TTC3: variants seen among roughly 807,000 people sequenced by gnomAD.
The protein encoded by TTC3 is tetratricopeptide repeat domain 3.
In TTC3, 180 loss-of-function variants were observed where a neutral mutation model predicts 249.6. The observed-to-expected ratio is 0.72, with a 90% confidence interval of 0.64 to 0.82. TTC3 has a LOEUF of 0.82. Among genes scored for constraint, TTC3 ranks in the 40% least tolerant of loss-of-function variants. The pLI, the probability that TTC3 is intolerant of heterozygous loss-of-function variation, is 0.00. For synonymous variants in TTC3, 717 were observed against 805.0 expected (o/e 0.89, Z 1.85); for missense variants, 2,061 against 2,398.4 (o/e 0.86, Z 2.94).
chr21:37,200,214 G>T lies in TTC3; in HGVS notation c.5851-18G>T. The T allele has an allele frequency of 6.2e-7, 1 of 1,612,452 alleles. No homozygotes were observed. Among genetic ancestry groups the T allele is most frequent in the African/African-American group, 1.3e-5 (1 of 74,900 alleles). ...ACTGTAGTTATTCTTTACTATTCAG[G>T]TGTGTTTGTTTCCACAGGCACTGGG... On this transcript the variant is annotated intron_variant, in intron 44 of 45. Coordinates refer to ENST00000355666, the Ensembl canonical transcript of TTC3.
At chr21:37,186,673 T>G (rs912275424) in intron 37 of TTC3, among the ~76,000 whole-genome samples, 3 of 152,226 alleles carry the variant, frequency 2.0e-5, no homozygotes, top group Non-Finnish European at 4.4e-5. Context: ...GCGATCCGCC[T>G]GCCTTGGCCT....
rs560846646 is a variant in TTC3 at position 37,142,460 on chromosome 21, GACAA to G, written c.1772+1791_1772+1794del. Among the ~76,000 whole-genome samples the G allele has an allele frequency of 3.2e-4, 49 of 152,262 alleles. No homozygotes were observed. In the South Asian group the frequency reaches 3.5e-3, roughly 11 times the overall value. On this transcript the variant is annotated intron_variant, in intron 20 of 45. Coordinates refer to ENST00000355666, the Ensembl canonical transcript of TTC3. Reference sequence around the variant, plus strand: ...CAAGCATTCTTATACACCAGTAACAGACAAACAGAGAGCCAAATCATGAGTGAAC... The same window carrying G: ...CAAGCATTCTTATACACCAGTAACAGACAGAGAGCCAAATCATGAGTGAAC...
At chr21:37,126,165 A>G (rs2077031785) in intron 15 of TTC3, 22 bp downstream of exon 15, 1 of 1,605,586 alleles carries the variant, frequency 6.2e-7, no homozygotes, top group Admixed American at 1.7e-5. Flanking sequence ...TTTTATATCA[A>G]TTGTTGCCAA....
intron 39 of TTC3, 87 bp from the exon 40 acceptor site, chr21:37,191,247 C>G: frequency 5.6e-6 from 5 of 887,794 alleles, no homozygotes; most frequent in Non-Finnish European, 8.4e-6. Context: ...TTAAATGTCT[C>G]TTTTGCTCAT....
chr21:37,140,917 T>C (rs2078384171), intron 20 of TTC3, among the ~76,000 whole-genome samples: 1 of 152,220 alleles, frequency 6.6e-6, no homozygotes, highest in East Asian at 1.9e-4. Context: ...TAATTTGACA[T>C]TAAAGATTTA....
exon 33 of TTC3, chr21:37,165,563 T>G: frequency 1.9e-6 from 3 of 1,588,652 alleles, no homozygotes; most frequent in Non-Finnish European, 2.6e-6. Context: ...CTTCTCTCAG[T>G]TTTTGGAGGA....
chr21:37,088,002 A>G, intron 3 of TTC3, 127 bp downstream of exon 3: 1 of 961,614 alleles, frequency 1.0e-6, no homozygotes, highest in Non-Finnish European at 1.5e-6. Context: ...GTTTTTCACT[A>G]GAAATCAGAA....
exon 44 of TTC3, chr21:37,197,955 C>T (rs2085097328): frequency 1.9e-6 from 3 of 1,613,962 alleles, no homozygotes; most frequent in Non-Finnish European, 2.5e-6. Flanking sequence ...TCCCAGGGCT[C>T]ACCCTCGGTG....
intron 41 of TTC3, among the ~76,000 whole-genome samples, chr21:37,193,305 A>G (rs540432793): frequency 6.6e-6 from 1 of 152,000 alleles, no homozygotes; most frequent in East Asian, 1.9e-4. Context: ...CTGGCCTTGA[A>G]TGTCTCTTTC....
At chr21:37,162,734 C>T (rs926494616) in intron 31 of TTC3, among the ~76,000 whole-genome samples, 8 of 152,010 alleles carry the variant, frequency 5.3e-5, no homozygotes, top group Non-Finnish European at 1.0e-4. Context: ...CTGTCTTAGT[C>T]AGTTTGGGCT....
chr21:37,117,940 C>T (rs1354009057), intron 11 of TTC3, among the ~76,000 whole-genome samples: 3 of 147,502 alleles, frequency 2.0e-5, no homozygotes, highest in Non-Finnish European at 4.5e-5. Context: ...AAAATATTCA[C>T]TTTTTTTTTT....
chr21:37,188,809 A>T (rs913828084), intron 39 of TTC3, among the ~76,000 whole-genome samples: 3 of 152,250 alleles, frequency 2.0e-5, no homozygotes. Flanking sequence ...TTTTGGAATA[A>T]ATTCATGAAG....
intron 22 of TTC3, 88 bp downstream of exon 22, chr21:37,147,691 G>T: frequency 6.9e-7 from 1 of 1,456,564 alleles, no homozygotes; most frequent in Non-Finnish European, 9.1e-7. Context: ...AGGCACCCAA[G>T]TTCTCTGGCT....
At chr21:37,196,237 CTTTTTTT>C (rs35693053) in intron 42 of TTC3, among the ~76,000 whole-genome samples, 4 of 120,348 alleles carry the variant, frequency 3.3e-5, no homozygotes, top group Non-Finnish European at 6.8e-5. Context: ...TTTTTTCTTT[CTTTTTTT>C]TTTTTTTTTT....
At chr21:37,194,086 G>A (rs546986899) in intron 41 of TTC3, among the ~76,000 whole-genome samples, 8 of 152,310 alleles carry the variant, frequency 5.3e-5, no homozygotes, top group African/African-American at 1.7e-4. Context: ...CAGGGGCAAA[G>A]CCAATGGAGC....
At chr21:37,171,462 C>T (rs897215558) in intron 34 of TTC3, among the ~76,000 whole-genome samples, 1 of 152,134 alleles carries the variant, frequency 6.6e-6, no homozygotes, top group Non-Finnish European at 1.5e-5. Context: ...ACAGAAGTAT[C>T]GTGAAGTTTA....
At chr21:37,093,741 G>T (rs1003628204) in intron 7 of TTC3, among the ~76,000 whole-genome samples, 2 of 152,124 alleles carry the variant, frequency 1.3e-5, no homozygotes, top group East Asian at 3.9e-4. Context: ...ATAAATAAAG[G>T]TTTTTTATTG....
At chr21:37,186,762 C>G (rs1356904352) in intron 37 of TTC3, among the ~76,000 whole-genome samples, 1 of 152,208 alleles carries the variant, frequency 6.6e-6, no homozygotes, top group Non-Finnish European at 1.5e-5. Context: ...TTGTACTCCA[C>G]CTGCCCTCAT....
At chr21:37,157,429 A>T (rs764110281) in intron 28 of TTC3, among the ~76,000 whole-genome samples, 1 of 152,194 alleles carries the variant, frequency 6.6e-6, no homozygotes, top group African/African-American at 2.4e-5. Context: ...GGAATTCAGA[A>T]ATGCTTACAC....
Sources: allele counts gnomAD v4.1 joint callset (sites outside exome capture counted in the v4.1 genomes callset), GRCh38; gene constraint gnomAD v4.1.1; transcripts MANE v1.5; gene names NCBI Gene and HGNC (gene_info 2026-07-23, HGNC 2026-07-21).